DCDC2: variants seen among roughly 807,000 people sequenced by gnomAD.
The protein encoded by DCDC2 is doublecortin domain containing 2, also known as doublecortin domain-containing protein 2.
In DCDC2, 40 loss-of-function variants were observed where a neutral mutation model predicts 50.2. The observed-to-expected ratio is 0.80, with a 90% CI of 0.62 to 1.04. The LOEUF (loss-of-function observed/expected upper bound fraction) is 1.04, where lower values mean the gene tolerates loss of function less well. Among genes scored for constraint, DCDC2 ranks in the 50% least tolerant of loss-of-function variants. The pLI is 0.00. For synonymous variants in DCDC2, 234 were observed against 210.6 expected, an observed-to-expected ratio of 1.11 and a Z score of -0.96; for missense variants, 570 against 581.9, an observed-to-expected ratio of 0.98 and a Z score of 0.21.
intron 8 of DCDC2, among the ~76,000 whole-genome samples, chr6:24,183,015 A>G (rs1761115215): frequency 6.6e-6 from 1 of 152,236 alleles, no homozygotes; most frequent in Non-Finnish European, 1.5e-5. Flanking sequence ...TGAAACAGAG[A>G]TATTATGCTA....
chr6:24,271,136 A>T (rs1417913054), intron 7 of DCDC2, among the ~76,000 whole-genome samples: 1 of 134,032 alleles, frequency 7.5e-6, no homozygotes, highest in African/African-American at 2.8e-5. Flanking sequence ...TGAGCCCAGG[A>T]GGTCAAGGCT....
intron 2 of DCDC2, among the ~76,000 whole-genome samples, chr6:24,338,085 G>A (rs905023341): frequency 6.6e-6 from 1 of 152,118 alleles, no homozygotes; most frequent in Non-Finnish European, 1.5e-5. Context: ...GAGCTCTTGA[G>A]AAACATGTTT....
At chr6:24,212,142 C>T (rs546777573) in intron 7 of DCDC2, among the ~76,000 whole-genome samples, 11 of 152,238 alleles carry the variant, frequency 7.2e-5, no homozygotes, top group Admixed American at 5.2e-4. Context: ...ACGCTCCTTA[C>T]GAGAGTCTAA....
At chr6:24,353,715 C>T in intron 1 of DCDC2, 92 bp from the exon 2 acceptor site, 1 of 773,054 alleles carries the variant, frequency 1.3e-6, no homozygotes, top group Non-Finnish European at 1.9e-6. Flanking sequence ...TAAAGCAACT[C>T]ATAGGAAATT....
chr6:24,200,153 C>G (rs971931160), intron 8 of DCDC2, among the ~76,000 whole-genome samples: 2 of 152,162 alleles, frequency 1.3e-5, no homozygotes, highest in African/African-American at 4.8e-5. Context: ...TCAGGAAATA[C>G]AGAGAACACC....
chr6:24,206,364 A>C (rs1323230054), intron 7 of DCDC2, among the ~76,000 whole-genome samples: 2 of 151,356 alleles, frequency 1.3e-5, no homozygotes, highest in Non-Finnish European at 2.9e-5. Flanking sequence ...CCAGTGAGGA[A>C]GGAATGAAGG....
chr6:24,328,512 G>C (rs1380402838), intron 2 of DCDC2, among the ~76,000 whole-genome samples: 2 of 152,156 alleles, frequency 1.3e-5, no homozygotes, highest in African/African-American at 2.4e-5. Flanking sequence ...GTTATAGCCA[G>C]AGCCCCCTTC....
At chr6:24,320,419 C>A (rs1759751048) in intron 2 of DCDC2, among the ~76,000 whole-genome samples, 1 of 152,176 alleles carries the variant, frequency 6.6e-6, no homozygotes, top group African/African-American at 2.4e-5. Context: ...GCAACCTCTG[C>A]CTCCCAGGTT....
chr6:24,251,166 T>C lies in DCDC2; in HGVS notation c.922+26883A>G, dbSNP rs979507571. Among the ~76,000 whole-genome samples, 3 of 152,210 alleles carry C rather than the reference T, an allele frequency of 2.0e-5. 1 individual carries two copies. Among genetic ancestry groups the C allele is most frequent in the South Asian group, 4.1e-4 (2 of 4,836 alleles). Reference sequence around the variant, plus strand: ...ATTAATCTCCAATAGCACTGGCTAATTGGAGTTTAGAATTCTCTCCTGTTT... The same window carrying C: ...ATTAATCTCCAATAGCACTGGCTAACTGGAGTTTAGAATTCTCTCCTGTTT... On this transcript the variant is annotated intron_variant, in intron 7 of 9. Transcript: ENST00000378454.
At chr6:24,248,657 G>A (rs563561764) in intron 7 of DCDC2, among the ~76,000 whole-genome samples, 7 of 152,182 alleles carry the variant, frequency 4.6e-5, no homozygotes, top group Middle Eastern at 3.4e-3. Flanking sequence ...TAATTCCCTC[G>A]AGGGCAGAAA....
intron 7 of DCDC2, among the ~76,000 whole-genome samples, chr6:24,260,204 G>T (rs887257570): frequency 1.3e-5 from 2 of 152,098 alleles, no homozygotes; most frequent in East Asian, 3.8e-4. Flanking sequence ...CTGAGTCTTG[G>T]GAGGGGGAGG....
intron 4 of DCDC2, among the ~76,000 whole-genome samples, chr6:24,300,217 T>C (rs187381986): frequency 6.6e-6 from 1 of 151,740 alleles, no homozygotes; most frequent in East Asian, 1.9e-4. Context: ...TGACAAAATC[T>C]AATCTCTACA....
intron 7 of DCDC2, among the ~76,000 whole-genome samples, chr6:24,260,832 T>C (rs870601): frequency 0.56 from 85,023 of 152,158 alleles, 27,533 homozygotes; most frequent in East Asian, 0.79. Flanking sequence ...TGGTGCTCAA[T>C]GGTTCAAGTT....
At chr6:24,344,114 C>T in intron 2 of DCDC2, among the ~76,000 whole-genome samples, 1 of 152,150 alleles carries the variant, frequency 6.6e-6, no homozygotes, top group East Asian at 1.9e-4. Flanking sequence ...TCTCCCCATT[C>T]CCCACCCTGT....
At chr6:24,347,130 C>T (rs914690490) in intron 2 of DCDC2, among the ~76,000 whole-genome samples, 1 of 152,140 alleles carries the variant, frequency 6.6e-6, no homozygotes, top group Non-Finnish European at 1.5e-5. Context: ...GTGTTTATTA[C>T]TCTTCAAAAA....
chr6:24,205,646 G>C (rs1761704430), intron 7 of DCDC2, among the ~76,000 whole-genome samples: 1 of 152,200 alleles, frequency 6.6e-6, no homozygotes, highest in Non-Finnish European at 1.5e-5. Context: ...TTATTCTGCA[G>C]ATCTCCACAA....
At chr6:24,362,346 G>T (rs56905235), upstream of DCDC2, among the ~76,000 whole-genome samples, 2,622 of 81,838 alleles carry the variant, frequency 0.032, 130 homozygotes, top group African/African-American at 0.08. Flanking sequence ...ATTGTATGTT[G>T]ATACAATTAT....
intron 4 of DCDC2, among the ~76,000 whole-genome samples, chr6:24,299,760 T>TC (rs1373939199): frequency 6.6e-6 from 1 of 150,922 alleles, no homozygotes; most frequent in East Asian, 2.0e-4. Context: ...CGAAAAAAAA[T>TC]TTTTTTTAAT....
intron 2 of DCDC2, among the ~76,000 whole-genome samples, chr6:24,340,985 C>G (rs2127247952): frequency 6.6e-6 from 1 of 152,318 alleles, no homozygotes; most frequent in Non-Finnish European, 1.5e-5. Flanking sequence ...CTTGGCCTCC[C>G]AAAGTGCTGG....
Sources: allele counts gnomAD v4.1 joint callset (sites outside exome capture counted in the v4.1 genomes callset), GRCh38; gene constraint gnomAD v4.1.1; transcripts MANE v1.5; gene names NCBI Gene and HGNC (gene_info 2026-07-23, HGNC 2026-07-21).